The following ERG variants were observed in gnomAD, a reference collection of about 807,000 sequenced individuals.
The protein encoded by ERG is ETS transcription factor ERG.
ERG carries 9 observed loss-of-function variants against 55.3 expected under a neutral mutation model. That is an observed-to-expected ratio of 0.16 (90% CI 0.10 to 0.28). The LOEUF (loss-of-function observed/expected upper bound fraction) is 0.28. ERG is among the 10% of genes least tolerant of loss of function. The pLI is 1.00. For missense variants in ERG, 434 were observed against 631.6 expected, an observed-to-expected ratio of 0.69 and a Z score of 3.35; for synonymous variants, 223 against 237.3, an observed-to-expected ratio of 0.94 and a Z score of 0.55.
chr21:38,594,942 A>AT (rs1383071790), intron 1 of ERG, among the ~76,000 whole-genome samples: 2 of 152,136 alleles, frequency 1.3e-5, no homozygotes, highest in Non-Finnish European at 2.9e-5. Flanking sequence ...AAGCAAAAAA[A>AT]GAGTTGAGGG....
Position 38,381,611 on chromosome 21 carries a change from C to A in ERG, c.*1792G>T. The A allele has an allele frequency of 9.4e-7, 1 of 1,063,006 alleles. No homozygotes were observed. Among genetic ancestry groups the A allele is most frequent in the South Asian group, 4.6e-5 (1 of 21,942 alleles). The allele number at this position is 1,063,006 out of a possible 1,614,324, so 65.8% of individuals were successfully genotyped here. A position where few individuals can be genotyped will look rare whatever the true frequency, so the allele number is the denominator to read the frequency against. On this transcript the variant is annotated 3_prime_UTR_variant, in exon 10 of 10. Coordinates refer to ENST00000288319, the MANE Select transcript of ERG (RefSeq NM_182918.4). ...GCAGCTATCCATGACGCTTTATTTG[C>A]CAGTAATAATACAGTTTGCCTTACG...
At chr21:38,531,078 T>G (rs2059669091) in intron 2 of ERG, among the ~76,000 whole-genome samples, 1 of 152,192 alleles carries the variant, frequency 6.6e-6, no homozygotes, top group Non-Finnish European at 1.5e-5. Flanking sequence ...AGGCTTCAGG[T>G]TGGCCTTCCT....
chr21:38,567,270 C>T (rs2059929094), intron 2 of ERG, among the ~76,000 whole-genome samples: 1 of 152,182 alleles, frequency 6.6e-6, no homozygotes, highest in Admixed American at 6.5e-5. Context: ...TACAGTCCAG[C>T]TCGAGACCAC....
At chr21:38,417,201 T>A (rs896553756) in intron 3 of ERG, among the ~76,000 whole-genome samples, 2 of 152,148 alleles carry the variant, frequency 1.3e-5, no homozygotes, top group African/African-American at 4.8e-5. Flanking sequence ...AGCACAGGGG[T>A]CTGAGTAAGA....
Position 38,383,180 on chromosome 21 carries a change from A to G in ERG, c.*223T>C. ...CTTTTACAAGGTCAGTCCACAGATG[A>G]TATGTCCATATTCGTGACATTTTTA... On this transcript the variant is annotated 3_prime_UTR_variant, in exon 10 of 10. Transcript: ENST00000288319. This position sits in a 1 kb window ranked among gnomAD's most constrained non-coding sequence, Gnocchi z 5.7. 1.6e-6 allele frequency: 2 copies of G among 1,263,996 alleles called. No homozygotes were observed. Among genetic ancestry groups the G allele is most frequent in the Non-Finnish European group, 2.0e-6 (2 of 1,005,808 alleles). 78.3% of individuals were successfully genotyped at this position (1,263,996 alleles called of 1,614,324 possible).
chr21:38,395,736 T>G (rs1014585200), intron 6 of ERG, among the ~76,000 whole-genome samples: 7 of 152,212 alleles, frequency 4.6e-5, no homozygotes, highest in African/African-American at 1.7e-4. Context: ...TGTGTCGATT[T>G]CCTGGGAGCT....
At chr21:38,634,157 T>C (rs460214) in intron 1 of ERG, among the ~76,000 whole-genome samples, 54,735 of 152,130 alleles carry the variant, frequency 0.36, 10,958 homozygotes, top group East Asian at 0.65. Context: ...GAAATACTGC[T>C]TTGAAATAAA....
chr21:38,403,630 G>A lies in ERG; in HGVS notation c.468C>T (p.Asn156=). The change falls in exon 4 of 10, where the codon AAC becomes AAT. Residue 156 remains asparagine (N), a synonymous_variant. Coordinates refer to ENST00000288319, the MANE Select transcript of ERG (RefSeq NM_182918.4). ...AVKEYGLPDV[N]ILLFQNIDGK... ...CATCGATGTTCTGGAATAACAAGAT[G>A]TTGACGTCTGGAAGGCCATATTCTT... 6.2e-7 allele frequency: 1 copy of A among 1,614,154 alleles called. No homozygotes were observed.
intron 3 of ERG, among the ~76,000 whole-genome samples, chr21:38,419,053 CCT>C (rs1416601737): frequency 2.0e-5 from 3 of 152,198 alleles, no homozygotes; most frequent in African/African-American, 7.2e-5. Context: ...TTGTCAGGCC[CCT>C]CTTATTACAA....
intron 2 of ERG, among the ~76,000 whole-genome samples, chr21:38,518,224 ATGTG>A (rs150947996): frequency 6.8e-6 from 1 of 146,584 alleles, no homozygotes; most frequent in Non-Finnish European, 1.5e-5. Context: ...CCCCATAACT[ATGTG>A]TGTGTGTGTA....
intron 2 of ERG, among the ~76,000 whole-genome samples, chr21:38,542,692 G>A (rs1601216053): frequency 6.6e-6 from 1 of 152,128 alleles, no homozygotes. Flanking sequence ...ACTCTCTTCC[G>A]TGATAATACG....
At chr21:38,407,382 A>G (rs1988819805) in intron 3 of ERG, among the ~76,000 whole-genome samples, 1 of 152,100 alleles carries the variant, frequency 6.6e-6, no homozygotes, top group Non-Finnish European at 1.5e-5. Flanking sequence ...TAAAGTTTCA[A>G]AATATTATTA....
chr21:38,518,797 G>A (rs895129699), intron 2 of ERG, among the ~76,000 whole-genome samples: 3 of 151,910 alleles, frequency 2.0e-5, no homozygotes, highest in African/African-American at 7.2e-5. Flanking sequence ...ATTAAAATAA[G>A]AAAAAAATTA....
intron 2 of ERG, among the ~76,000 whole-genome samples, chr21:38,544,249 G>C (rs1239461702): frequency 2.0e-5 from 3 of 152,220 alleles, no homozygotes; most frequent in Non-Finnish European, 4.4e-5. Flanking sequence ...AGGAGATGAG[G>C]CTGAAGAAGT....
chr21:38,647,968 T>C (rs1020480982), intron 1 of ERG, among the ~76,000 whole-genome samples: 2 of 152,246 alleles, frequency 1.3e-5, no homozygotes, highest in African/African-American at 2.4e-5. Context: ...ACTTATTTTT[T>C]AATGTCTATG....
At chr21:38,438,023 T>C (rs1336571943) in intron 2 of ERG, among the ~76,000 whole-genome samples, 1 of 152,170 alleles carries the variant, frequency 6.6e-6, no homozygotes, top group Non-Finnish European at 1.5e-5. Flanking sequence ...CATCTATTAC[T>C]CTTCTTCTTG....
chr21:38,619,299 G>A (rs2060276499), intron 1 of ERG, among the ~76,000 whole-genome samples: 1 of 152,298 alleles, frequency 6.6e-6, no homozygotes, highest in Admixed American at 6.5e-5. Context: ...ATTTCTCCAA[G>A]ACATGGGATG....
intron 3 of ERG, among the ~76,000 whole-genome samples, chr21:38,415,511 T>G (rs1989237086): frequency 6.6e-6 from 1 of 152,160 alleles, no homozygotes; most frequent in African/African-American, 2.4e-5. Flanking sequence ...TTTTGTTATT[T>G]AGTTGTTTGA....
intron 2 of ERG, among the ~76,000 whole-genome samples, chr21:38,444,155 T>C (rs1175388394): frequency 6.6e-6 from 1 of 152,186 alleles, no homozygotes; most frequent in African/African-American, 2.4e-5. Context: ...ATGACACTTA[T>C]AATAAACCTT....
Sources: allele counts gnomAD v4.1 joint callset (sites outside exome capture counted in the v4.1 genomes callset), GRCh38; gene constraint gnomAD v4.1.1; non-coding constraint Gnocchi (gnomAD v3.1); transcripts MANE v1.5; gene names NCBI Gene and HGNC (gene_info 2026-07-23, HGNC 2026-07-21).